Variants in PTCSC3 observed in about 807,000 individuals in gnomAD.
The protein encoded by PTCSC3 is papillary thyroid carcinoma susceptibility candidate 3 (non-protein coding).
chr14:36,175,794 G>T (rs1003786275), intron 1 of PTCSC3, among the ~76,000 whole-genome samples: 2 of 152,184 alleles, frequency 1.3e-5, no homozygotes, highest in African/African-American at 4.8e-5. Flanking sequence ...TTAGAAATTT[G>T]TATTTGTAAT....
At chr14:36,146,256 G>A (rs1881564640) in intron 3 of PTCSC3, among the ~76,000 whole-genome samples, 1 of 148,086 alleles carries the variant, frequency 6.8e-6, no homozygotes, top group Non-Finnish European at 1.5e-5. Context: ...AATGTTGACA[G>A]TGGGGTGTTT....
intron 1 of PTCSC3, among the ~76,000 whole-genome samples, chr14:36,170,949 A>G (rs1450480183): frequency 6.6e-6 from 1 of 152,202 alleles, no homozygotes; most frequent in Non-Finnish European, 1.5e-5. Flanking sequence ...TTAACCTTGT[A>G]TGTAGTTAAA....
rs1052010306 is a variant in PTCSC3 at position 36,162,277 on chromosome 14, A to C, written n.231+347T>G. Among the ~76,000 whole-genome samples the C allele has an allele frequency of 6.1e-4, 68 of 112,358 alleles. 1 individual carries two copies. In the Middle Eastern group the frequency reaches 0.015, roughly 25 times the overall value. 73.7% of individuals were successfully genotyped at this position (112,358 alleles called of 152,430 possible). A position where few individuals can be genotyped will look rare whatever the true frequency, so the allele number is the denominator to read the frequency against. ...GGTATGGAAAAAAAAAAAAAAAAAA[A>C]AAAAAAAACTCCTGCAGCCAGCTCA... On this transcript the variant is annotated intron_variant and non_coding_transcript_variant, in intron 2 of 3. Coordinates refer to ENST00000556013, the Ensembl canonical transcript of PTCSC3.
intron 2 of PTCSC3, among the ~76,000 whole-genome samples, chr14:36,158,986 G>C (rs552742774): frequency 6.6e-6 from 1 of 151,852 alleles, no homozygotes; most frequent in African/African-American, 2.4e-5. Context: ...ACTTGGGAGG[G>C]TATATGTGTC....
intron 3 of PTCSC3, among the ~76,000 whole-genome samples, chr14:36,145,312 A>G (rs556631162): frequency 6.7e-6 from 1 of 150,038 alleles, no homozygotes; most frequent in Non-Finnish European, 1.5e-5. Flanking sequence ...GGTTGGTAAG[A>G]TATTGATTAT....
At chr14:36,157,838 T>C (rs897073393) in intron 2 of PTCSC3, among the ~76,000 whole-genome samples, 4 of 152,186 alleles carry the variant, frequency 2.6e-5, no homozygotes, top group African/African-American at 9.7e-5. Context: ...CTCTATAAAT[T>C]ACTTTGGGCT....
chr14:36,138,298 G>A (rs1881334618), intron 3 of PTCSC3, among the ~76,000 whole-genome samples: 1 of 151,998 alleles, frequency 6.6e-6, no homozygotes, highest in African/African-American at 2.4e-5. Context: ...ATATGTCCTT[G>A]GTATAGGCAA....
chr14:36,146,047 TC>T (rs1881558300), intron 3 of PTCSC3, among the ~76,000 whole-genome samples: 1 of 151,738 alleles, frequency 6.6e-6, no homozygotes, highest in African/African-American at 2.4e-5. Context: ...TAATCTCTGT[TC>T]TTTTACATTT....
At chr14:36,167,205 TTTC>T (rs1176604853) in intron 1 of PTCSC3, among the ~76,000 whole-genome samples, 1 of 152,214 alleles carries the variant, frequency 6.6e-6, no homozygotes, top group Non-Finnish European at 1.5e-5. Flanking sequence ...ATTAATCCTA[TTTC>T]TGTTTCACCA....
intron 1 of PTCSC3, among the ~76,000 whole-genome samples, chr14:36,171,428 A>G (rs1882190262): frequency 6.6e-6 from 1 of 152,142 alleles, no homozygotes; most frequent in African/African-American, 2.4e-5. Context: ...AATGTGCTAT[A>G]CTGAAATCTG....
At chr14:36,155,211 T>C in intron 2 of PTCSC3, among the ~76,000 whole-genome samples, 1 of 152,196 alleles carries the variant, frequency 6.6e-6, no homozygotes, top group East Asian at 1.9e-4. Context: ...AACTCCAAGG[T>C]AGTTAAGTGA....
At chr14:36,142,564 C>A (rs1044743456) in intron 3 of PTCSC3, among the ~76,000 whole-genome samples, 1 of 151,962 alleles carries the variant, frequency 6.6e-6, no homozygotes, top group Non-Finnish European at 1.5e-5. Context: ...GTTATCATTT[C>A]TTTCTTAAAT....
intron 3 of PTCSC3, among the ~76,000 whole-genome samples, chr14:36,151,410 G>C (rs912656042): frequency 6.6e-5 from 10 of 151,754 alleles, no homozygotes; most frequent in Non-Finnish European, 1.5e-4. Context: ...TCGATCTTTG[G>C]CTTGGTGTTT....
intron 1 of PTCSC3, among the ~76,000 whole-genome samples, chr14:36,175,753 A>C (rs1042579239): frequency 4.6e-5 from 7 of 152,202 alleles, no homozygotes; most frequent in Non-Finnish European, 8.8e-5. Flanking sequence ...GGATCACTGG[A>C]GTAACTTCAT....
intron 3 of PTCSC3, among the ~76,000 whole-genome samples, chr14:36,138,648 G>A (rs1881342556): frequency 6.6e-6 from 1 of 152,130 alleles, no homozygotes; most frequent in African/African-American, 2.4e-5. Context: ...CACTAGAATG[G>A]CTAAAATTTA....
intron 3 of PTCSC3, among the ~76,000 whole-genome samples, chr14:36,153,234 T>G (rs190225384): frequency 9.0e-4 from 137 of 152,356 alleles, no homozygotes; most frequent in East Asian, 1.2e-3. Flanking sequence ...TCCACTCTTC[T>G]GACCTAATTA....
intron 1 of PTCSC3, among the ~76,000 whole-genome samples, chr14:36,164,609 C>A (rs1882047155): frequency 1.3e-5 from 2 of 151,926 alleles, no homozygotes; most frequent in Non-Finnish European, 2.9e-5. Flanking sequence ...TATAAAACAA[C>A]TATCCGTACT....
At chr14:36,167,339 G>A (rs1001359066) in intron 1 of PTCSC3, among the ~76,000 whole-genome samples, 6 of 152,100 alleles carry the variant, frequency 3.9e-5, no homozygotes, top group African/African-American at 1.4e-4. Flanking sequence ...GTGAAAAGAC[G>A]TTGATGCATA....
intron 1 of PTCSC3, among the ~76,000 whole-genome samples, chr14:36,170,687 A>G (rs1348787613): frequency 6.6e-6 from 1 of 152,138 alleles, no homozygotes; most frequent in Non-Finnish European, 1.5e-5. Context: ...TTCCTCTGGG[A>G]TCCTGGACTC....
Sources: gnomAD v4.1 joint callset for allele counts (sites outside exome capture counted in the v4.1 genomes callset) on GRCh38, gnomAD v4.1.1 for gene constraint, MANE v1.5 for transcripts, NCBI Gene and HGNC (gene_info 2026-07-23, HGNC 2026-07-21) for gene names.